The following PTPRN2 variants were observed in gnomAD, a reference collection of about 807,000 sequenced individuals.
PTPRN2 encodes the protein receptor-type tyrosine-protein phosphatase N2.
Under a neutral mutation model 118.8 loss-of-function variants are expected in PTPRN2, and 74 were observed. That is an observed-to-expected ratio of 0.62 (90% CI 0.52 to 0.76). The LOEUF (loss-of-function observed/expected upper bound fraction) is 0.76, where lower values mean the gene tolerates loss of function less well. Ranked by LOEUF, PTPRN2 falls within the 30% of genes least tolerant of loss-of-function variation. The pLI is 0.00. For synonymous variants in PTPRN2, 641 were observed against 608.0 expected, an observed-to-expected ratio of 1.05 and a Z score of -0.80; for missense variants, 1,481 against 1,394.4, an observed-to-expected ratio of 1.06 and a Z score of -0.99.
chr7:157,599,275 G>A (rs989349301), intron 16 of PTPRN2, among the ~76,000 whole-genome samples: 2 of 152,240 alleles, frequency 1.3e-5, no homozygotes, highest in Non-Finnish European at 2.9e-5. Context: ...CTCCCAAAGT[G>A]CTGGGATTAC....
chr7:158,132,209 G>A (rs959941585), intron 9 of PTPRN2, among the ~76,000 whole-genome samples: 8 of 145,428 alleles, frequency 5.5e-5, no homozygotes, highest in South Asian at 2.2e-4. Context: ...TACACACAAC[G>A]AAATACCCGA....
chr7:158,203,566 G>T (rs1054177986), intron 4 of PTPRN2, among the ~76,000 whole-genome samples: 3 of 150,808 alleles, frequency 2.0e-5, no homozygotes, highest in African/African-American at 7.4e-5. Flanking sequence ...TTCCTCCCAC[G>T]TTTGGCAGCT....
At chr7:158,161,726 G>A (rs1336367004) in intron 6 of PTPRN2, among the ~76,000 whole-genome samples, 1 of 152,078 alleles carries the variant, frequency 6.6e-6, no homozygotes, top group African/African-American at 2.4e-5. Flanking sequence ...AAAATAATTG[G>A]TAAGCTGGAC....
rs550027566 is a variant in PTPRN2 at position 158,063,874 on chromosome 7, G to A, written c.1723+17424C>T. ...TACAGAGTTTCCAGAAGGCAACCAC[G>A]ACAAAACCTAATACCAATTAGCTAA... On this transcript the variant is annotated intron_variant, in intron 11 of 22. Transcript: ENST00000389418. 5.9e-5 allele frequency among the ~76,000 whole-genome samples: 9 copies of A among 152,222 alleles called. No individual in the cohort carries two copies. The East Asian group carries it at 7.7e-4, about 13-fold the overall frequency.
At chr7:158,067,537 G>T (rs927579372) in intron 11 of PTPRN2, among the ~76,000 whole-genome samples, 1 of 152,188 alleles carries the variant, frequency 6.6e-6, no homozygotes, top group Non-Finnish European at 1.5e-5. Flanking sequence ...ACCTCCAGCT[G>T]GTGCTCAGGG....
At chr7:157,855,497 C>A (rs1479112186) in intron 12 of PTPRN2, among the ~76,000 whole-genome samples, 1 of 152,214 alleles carries the variant, frequency 6.6e-6, no homozygotes, top group Non-Finnish European at 1.5e-5. Flanking sequence ...CCAGCAGGGT[C>A]CCTCCTACAG....
rs1235067984 is a variant in PTPRN2, at chr7:157,785,219, C to T, written c.1789-102282G>A. Among the ~76,000 whole-genome samples the T allele has an allele frequency of 6.6e-6, 1 of 151,888 alleles. No individual in the cohort carries two copies. The stretch of plus-strand genomic sequence containing the variant: ...GATAACCCGGGCCCACGTGGGGACA[C>T]GCCCCGCCCCACAGGCTTGCACCGG... On this transcript the variant is annotated intron_variant, in intron 12 of 22. Transcript: ENST00000389418. The surrounding 1 kb of genome is among the most constrained non-coding windows in gnomAD (Gnocchi z 7.3).
At chr7:158,252,482 G>A (rs953283292) in intron 3 of PTPRN2, among the ~76,000 whole-genome samples, 5 of 152,076 alleles carry the variant, frequency 3.3e-5, no homozygotes, top group Admixed American at 2.0e-4. Context: ...CACTCCAGGC[G>A]GACCTGATAG....
In PTPRN2 at chr7:157,845,736, C is replaced by T. The variant is rs1460641369; in HGVS notation, c.1788+52937G>A. On this transcript the variant is annotated intron_variant, in intron 12 of 22. Coordinates refer to ENST00000389418, the MANE Select transcript of PTPRN2 (RefSeq NM_002847.5). The surrounding 1 kb of genome is among the most constrained non-coding windows in gnomAD (Gnocchi z 4.5). ...GAGGCCCCAGAGAGGTCCCTGTGCT[C>T]ATGACTCACAGAGACGGGGACGGCA... Among the ~76,000 whole-genome samples the T allele has an allele frequency of 1.3e-5, 2 of 152,126 alleles. No individual in the cohort carries two copies. The highest frequency in any genetic ancestry group is 4.8e-5 in the African/African-American group (2 of 41,410).
chr7:158,327,536 TGTACAC>T (rs1803746260), intron 2 of PTPRN2, among the ~76,000 whole-genome samples: 1 of 151,620 alleles, frequency 6.6e-6, no homozygotes, highest in South Asian at 2.1e-4. Context: ...CACATGCACA[TGTACAC>T]ACTATCTGTT....
chr7:158,184,728 C>T (rs1824999084), intron 5 of PTPRN2, among the ~76,000 whole-genome samples: 1 of 152,108 alleles, frequency 6.6e-6, no homozygotes, highest in African/African-American at 2.4e-5. Flanking sequence ...AGGAGCATCA[C>T]TTGAACCCAG....
chr7:158,342,433 C>A (rs55854137), intron 2 of PTPRN2, among the ~76,000 whole-genome samples: 1 of 73,360 alleles, frequency 1.4e-5, no homozygotes. Flanking sequence ...AGAGCTGACA[C>A]CTGCAGACGT....
chr7:158,370,023 G>A (rs903672410), intron 2 of PTPRN2, among the ~76,000 whole-genome samples: 11 of 152,144 alleles, frequency 7.2e-5, no homozygotes, highest in South Asian at 2.1e-4. Flanking sequence ...TCAGTCACAC[G>A]AAAGCCACCG....
intron 12 of PTPRN2, among the ~76,000 whole-genome samples, chr7:157,891,422 C>G (rs964639547): frequency 1.5e-4 from 21 of 139,186 alleles, no homozygotes; most frequent in Non-Finnish European, 9.4e-5. Flanking sequence ...CCCCGCCCCC[C>G]ACCCCAGGTA....
chr7:157,778,811 TGCC>T (rs1369639158), intron 12 of PTPRN2, among the ~76,000 whole-genome samples: 5 of 150,436 alleles, frequency 3.3e-5, no homozygotes, highest in African/African-American at 1.2e-4. Flanking sequence ...TGAATACAGG[TGCC>T]GCCGAATGCC....
At chr7:158,362,694 G>C (rs2151295479) in intron 2 of PTPRN2, among the ~76,000 whole-genome samples, 1 of 22,502 alleles carries the variant, frequency 4.4e-5, no homozygotes, top group South Asian at 1.8e-3. Flanking sequence ...AGTCAGGTTT[G>C]TCCATCACAA....
At chr7:158,006,673 A>T (rs1385452796) in intron 11 of PTPRN2, among the ~76,000 whole-genome samples, 4 of 152,224 alleles carry the variant, frequency 2.6e-5, no homozygotes, top group Admixed American at 6.5e-5. Flanking sequence ...CTTGGGAGCC[A>T]CCTGGTGTGG....
At position 158,200,151 on chromosome 7, in the gene PTPRN2, C is replaced by T. The variant is rs557926947; in HGVS notation, c.380+5020G>A. On this transcript the variant is annotated intron_variant, in intron 4 of 22. Coordinates refer to ENST00000389418, the MANE Select transcript of PTPRN2 (RefSeq NM_002847.5). ...TCGCCCTCCGACCTGACCCAAGGGG[C>T]TTTGGAAACACCACTTGATCTTATA... Among the ~76,000 whole-genome samples, 9 of 152,314 alleles carry T rather than the reference C, an allele frequency of 5.9e-5. No homozygotes were observed. In the South Asian group the frequency reaches 1.5e-3, roughly 25 times the overall value.
intron 1 of PTPRN2, among the ~76,000 whole-genome samples, chr7:158,569,021 G>C (rs1827817936): frequency 2.0e-5 from 3 of 152,168 alleles, no homozygotes; most frequent in African/African-American, 7.2e-5. Flanking sequence ...CGCTCCTGGG[G>C]AGGCTGAGAC....
Sources: allele counts gnomAD v4.1 joint callset (sites outside exome capture counted in the v4.1 genomes callset), GRCh38; gene constraint gnomAD v4.1.1; non-coding constraint Gnocchi (gnomAD v3.1); transcripts MANE v1.5; gene names NCBI Gene and HGNC (gene_info 2026-07-23, HGNC 2026-07-21).